POLA1: variants seen among roughly 807,000 people sequenced by gnomAD.
POLA1 encodes the protein DNA polymerase alpha catalytic subunit.
POLA1 carries 15 observed loss-of-function variants against 124.0 expected under a neutral mutation model. The observed-to-expected ratio is 0.12, with a 90% CI of 0.08 to 0.19. The LOEUF is 0.19. Among genes scored for constraint, POLA1 ranks in the 10% least tolerant of loss-of-function variants. The probability of loss-of-function intolerance (pLI) is 1.00; values close to 1 mark genes in which losing one functional copy is unlikely to be tolerated. For missense variants in POLA1, 886 were observed against 1,103.4 expected (o/e 0.80, Z 2.79); for synonymous variants, 408 against 389.4 (o/e 1.05, Z -0.56).
chrX:24,956,289 T>C (rs2048105715), intron 36 of POLA1, among the ~76,000 whole-genome samples: 1 of 109,595 alleles, frequency 9.1e-6, no homozygotes, highest in Non-Finnish European at 1.9e-5. Flanking sequence ...CAAGACCCTG[T>C]CTTTAAAAAA....
At position 24,764,083 on chromosome X, in the gene POLA1, C is replaced by T. The variant is rs1932847389; in HGVS notation, c.2964+15091C>T. On this transcript the variant is annotated intron_variant, in intron 26 of 36. Transcript: ENST00000379068. ...TGGGATCTATTAACTAGTTACTTAA[C>T]CTCATTGACCCTCTGCTTCCTCATT... 4.5e-5 allele frequency among the ~76,000 whole-genome samples: 5 copies of T among 111,574 alleles called. 1 individual carries two copies. In the South Asian group the frequency reaches 1.5e-3, roughly 34 times the overall value.
At chrX:24,749,049 T>C (rs147463158) in intron 26 of POLA1, 57 bp downstream of exon 26, 11,467 of 954,962 alleles carry the variant, frequency 0.012, 59 homozygotes, top group Middle Eastern at 0.021. Context: ...TAACTATACA[T>C]GTTATAGTGT....
chrX:24,776,387 AT>A (rs1455526812), intron 26 of POLA1, among the ~76,000 whole-genome samples: 1 of 110,841 alleles, frequency 9.0e-6, no homozygotes, highest in Non-Finnish European at 1.9e-5. Flanking sequence ...TTTATATAGC[AT>A]TTTCCCCCCT....
At chrX:24,879,656 A>G (rs1220729352) in intron 34 of POLA1, among the ~76,000 whole-genome samples, 3 of 111,895 alleles carry the variant, frequency 2.7e-5, no homozygotes, top group Non-Finnish European at 5.6e-5. Flanking sequence ...GTTGTGACCT[A>G]TTATAGCCTA....
intron 26 of POLA1, among the ~76,000 whole-genome samples, chrX:24,767,501 A>G (rs1307333463): frequency 8.9e-6 from 1 of 112,223 alleles, no homozygotes; most frequent in African/African-American, 3.2e-5. Context: ...TATTAAGCAT[A>G]TGATCCTGTT....
intron 36 of POLA1, among the ~76,000 whole-genome samples, chrX:24,966,847 TAAAG>T (rs756950364): frequency 3.1e-4 from 35 of 112,489 alleles, no homozygotes; most frequent in Admixed American, 3.1e-3. Context: ...CACACTGTAA[TAAAG>T]AAATCTGTTG....
At chrX:24,770,945 C>A (rs1438802264) in intron 26 of POLA1, among the ~76,000 whole-genome samples, 1 of 111,228 alleles carries the variant, frequency 9.0e-6, no homozygotes, top group Non-Finnish European at 1.9e-5. Context: ...CATTCCATAA[C>A]AGTAACACAA....
intron 35 of POLA1, among the ~76,000 whole-genome samples, chrX:24,897,752 T>G (rs767501454): frequency 1.4e-4 from 16 of 112,222 alleles, no homozygotes; most frequent in African/African-American, 4.9e-4. Flanking sequence ...ATCCTTCTTG[T>G]GTTTATGCAC....
At chrX:24,936,451 A>G (rs1015441474) in intron 36 of POLA1, among the ~76,000 whole-genome samples, 1 of 112,351 alleles carries the variant, frequency 8.9e-6, no homozygotes, top group Non-Finnish European at 1.9e-5. Context: ...ACAAAATATT[A>G]AAAAGAAGAC....
At chrX:24,695,086 A>G (rs1927886637) in intron 1 of POLA1, among the ~76,000 whole-genome samples, 1 of 111,800 alleles carries the variant, frequency 8.9e-6, no homozygotes, top group African/African-American at 3.3e-5. Flanking sequence ...TTTGGAGGAT[A>G]CTGTGCAATC....
intron 36 of POLA1, among the ~76,000 whole-genome samples, chrX:24,979,806 C>T (rs2048401917): frequency 8.9e-6 from 1 of 112,163 alleles, no homozygotes; most frequent in Admixed American, 9.4e-5. Context: ...CCACATGGGC[C>T]TGCTGAATTA....
rs1470357432 is a variant in POLA1, at chrX:24,869,416, G to A, written c.4048-18590G>A. On this transcript the variant is annotated intron_variant, in intron 34 of 36. Coordinates refer to ENST00000379068, the MANE Select transcript of POLA1 (RefSeq NM_001330360.2). ...GGCACATGGCTCCTGAAGCAGTGAG[G>A]TGAGAAGAGATCTTTGAGTTGGCTC... 3.6e-5 allele frequency among the ~76,000 whole-genome samples: 4 copies of A among 112,239 alleles called. No homozygotes were observed. The East Asian group carries it at 1.1e-3, about 32-fold the overall frequency.
At chrX:24,770,193 C>T (rs936988222) in intron 26 of POLA1, among the ~76,000 whole-genome samples, 4 of 111,651 alleles carry the variant, frequency 3.6e-5, no homozygotes, top group Non-Finnish European at 5.7e-5. Flanking sequence ...CTACTATGTG[C>T]CAGGTACAGT....
chrX:24,743,207 G>A (rs369123060), intron 22 of POLA1, 23 bp from the exon 23 acceptor site: 58 of 809,777 alleles, frequency 7.2e-5, no homozygotes, highest in Middle Eastern at 2.8e-4. Context: ...GGCTGGTGAA[G>A]TTATCTTTCC....
At chrX:24,995,482 C>T (rs2048593943) in intron 36 of POLA1, among the ~76,000 whole-genome samples, 1 of 111,824 alleles carries the variant, frequency 8.9e-6, no homozygotes, top group African/African-American at 3.3e-5. Flanking sequence ...GCTCGCAGCG[C>T]CGGTGAAAGT....
chrX:24,938,681 T>G (rs1399510470), intron 36 of POLA1, among the ~76,000 whole-genome samples: 2 of 112,824 alleles, frequency 1.8e-5, no homozygotes, highest in Non-Finnish European at 3.7e-5. Context: ...GTTTTTATAC[T>G]CACTACAAGA....
intron 26 of POLA1, among the ~76,000 whole-genome samples, chrX:24,807,824 T>C (rs1409213336): frequency 3.6e-5 from 4 of 111,458 alleles, no homozygotes; most frequent in African/African-American, 6.5e-5. Context: ...AGCCGAGGGT[T>C]GTAAAATTCA....
intron 12 of POLA1, among the ~76,000 whole-genome samples, chrX:24,724,852 C>G (rs914428143): frequency 8.9e-6 from 1 of 111,762 alleles, no homozygotes; most frequent in Non-Finnish European, 1.9e-5. Context: ...ATGATACAGT[C>G]TGATAGAATG....
At chrX:24,783,145 C>T in intron 26 of POLA1, among the ~76,000 whole-genome samples, 1 of 109,998 alleles carries the variant, frequency 9.1e-6, no homozygotes, top group South Asian at 3.9e-4. Flanking sequence ...ACTCAGTTTG[C>T]TGTTAAAAAA....
Sources: gnomAD v4.1 joint callset for allele counts (sites outside exome capture counted in the v4.1 genomes callset) on GRCh38, gnomAD v4.1.1 for gene constraint, MANE v1.5 for transcripts, NCBI Gene and HGNC (gene_info 2026-07-23, HGNC 2026-07-21) for gene names.